The following KDM6B variants were observed in gnomAD, a reference collection of about 807,000 sequenced individuals.
KDM6B encodes the protein lysine demethylase 6B.
KDM6B carries 22 observed loss-of-function variants against 150.4 expected under a neutral mutation model. The observed-to-expected ratio is 0.15, with a 90% confidence interval of 0.10 to 0.21. KDM6B has a LOEUF of 0.21. KDM6B is among the 10% of genes least tolerant of loss of function. The probability of loss-of-function intolerance (pLI) is 1.00; values close to 1 mark genes in which losing one functional copy is unlikely to be tolerated. For synonymous variants in KDM6B, 1,148 were observed against 921.1 expected, an observed-to-expected ratio of 1.25 and a Z score of -4.46; for missense variants, 1,984 against 2,234.3, an observed-to-expected ratio of 0.89 and a Z score of 2.26.
Position 7,847,864 on chromosome 17 carries a change from T to C in KDM6B, c.1576T>C (p.Leu526=), listed in dbSNP as rs1248264188. 2 of 1,345,222 alleles carry C rather than the reference T, an allele frequency of 1.5e-6. No individual in the cohort carries two copies. The highest frequency in any genetic ancestry group is 1.6e-5 in the African/African-American group (1 of 63,092). The allele number at this position is 1,345,222 out of a possible 1,614,324, so 83.3% of individuals were successfully genotyped here. A position where few individuals can be genotyped will look rare whatever the true frequency, so the allele number is the denominator to read the frequency against. ...PPPLPHREGF[L]GPPASRFSVG... ...ACCCCTCCCCCATCGCGAGGGCTTC[T>C]TGGGGCCTCCGGCCTCCCGCTTTTC... Residue 526 remains leucine, a synonymous_variant, in exon 12 of 24, where the codon TTG becomes CTG. Transcript: ENST00000448097.
rs1336522597 is a variant in KDM6B, at chr17:7,850,128, T to C, written c.3624T>C (p.Pro1208=). ...SPVLLQFCTD[P]RNPITVIRGL... ...TCCTGCTGCAGTTCTGTACAGACCC[T>C]CGAAATCCCATCACAGTGATCCGGG... The change falls in exon 14 of 24, where the codon CCT becomes CCC. Residue 1208 remains proline, a synonymous_variant. Transcript: ENST00000448097. 1 of 1,613,844 alleles carries C rather than the reference T, an allele frequency of 6.2e-7. No individual in the cohort carries two copies. The highest frequency in any genetic ancestry group is 1.3e-5 in the African/African-American group (1 of 75,044).
rs775417411 is a variant in KDM6B, at chr17:7,851,939, C to T, written c.4166-12C>T. ...CCTGGCCAGCCATGCCGTTCTCTGT[C>T]GACCCCTGCAGGCCACCAGGAGAAT... is the stretch of plus-strand genomic sequence containing the variant. On this transcript the variant is annotated splice_polypyrimidine_tract_variant and intron_variant, in intron 18 of 23. Coordinates refer to ENST00000448097, the MANE Select transcript of KDM6B (RefSeq NM_001348716.2). 1.2e-6 allele frequency: 2 copies of T among 1,612,490 alleles called. No homozygotes were observed. The highest frequency in any genetic ancestry group is 1.1e-5 in the South Asian group (1 of 91,024).
At chr17:7,850,969 G>C (rs1216586893) in intron 14 of KDM6B, 52 bp from the exon 15 acceptor site, 3 of 1,493,426 alleles carry the variant, frequency 2.0e-6, no homozygotes, top group Middle Eastern at 1.8e-4. Flanking sequence ...TTGGGTCCTC[G>C]GTCCCTATCC....
chr17:7,852,779 A>C, intron 21 of KDM6B, 143 bp downstream of exon 21: 1 of 1,334,756 alleles, frequency 7.5e-7, no homozygotes, highest in Non-Finnish European at 1.1e-6. Flanking sequence ...GAGGCTAACT[A>C]GGTCCTTGCT....
In KDM6B at chr17:7,847,771, C is replaced by A; in HGVS notation, c.1483C>A (p.Arg495=). The A allele has an allele frequency of 6.4e-7, 1 of 1,553,444 alleles. No individual in the cohort carries two copies. The highest frequency in any genetic ancestry group is 1.4e-5 in the African/African-American group (1 of 73,134). Residue 495 remains arginine, a synonymous_variant, in exon 12 of 24, where the codon CGA becomes AGA. Transcript: ENST00000448097. ...WLKGPACRAA[R]EDGEILEELF... ...GAAGGGTCCGGCCTGCCGGGCAGCC[C>A]GAGAGGATGGAGAGATCTTAGAAGA...
chr17:7,840,101 C>G (rs749698926), intron 2 of KDM6B, 77 bp downstream of exon 2: 1 of 152,650 alleles, frequency 6.6e-6, no homozygotes, highest in Non-Finnish European at 1.5e-5. Context: ...TCGGTATGAT[C>G]TGGATCATGC....
In KDM6B at chr17:7,848,835, G is replaced by A. The variant is rs764031589; in HGVS notation, c.2547G>A (p.Pro849=). ...PGPPSGATAL[P]PTSAAPSAQG... ...CCCCATCAGGTGCTACCGCCCTGCC[G>A]CCCACCTCAGCGGCCCCTAGCGCCC... The change falls in exon 12 of 24, where the codon CCG becomes CCA. Residue 849 remains proline, a synonymous_variant. Coordinates refer to ENST00000448097, the MANE Select transcript of KDM6B (RefSeq NM_001348716.2). The A allele has an allele frequency of 2.3e-5, 37 of 1,611,832 alleles. No individual in the cohort carries two copies. Among genetic ancestry groups the A allele is most frequent in the East Asian group, 4.5e-5 (2 of 44,864 alleles).
At position 7,848,726 on chromosome 17, in the gene KDM6B, G is replaced by A. The variant is rs1276628632; in HGVS notation, c.2438G>A (p.Gly813Glu). 2.5e-6 allele frequency: 4 copies of A among 1,612,778 alleles called. No individual in the cohort carries two copies. The highest frequency in any genetic ancestry group is 2.7e-5 in the African/African-American group (2 of 74,856). ...LLKSLASVLE[G>E]QKYCYRGTGA... ...AAATCCTTGGCCTCCGTGCTGGAGG[G>A]ACAAAAGTACTGTTATCGGGGGACT... The change falls in exon 12 of 24, where the codon GGA becomes GAA. Residue 813 changes from glycine (G) to glutamate (E), a missense_variant. By Grantham distance (98) the Gly-to-Glu change is moderately conservative (BLOSUM62 -2). Around this residue, in one of 13 missense-constraint regions of KDM6B, gnomAD observed 1,379 missense variants for 1,275.6 expected, o/e 1.08. Coordinates refer to ENST00000448097, the MANE Select transcript of KDM6B (RefSeq NM_001348716.2).
chr17:7,837,687 T>G (rs1322939249), intron 1 of KDM6B, among the ~76,000 whole-genome samples: 2 of 152,176 alleles, frequency 1.3e-5, no homozygotes, highest in Non-Finnish European at 2.9e-5. Flanking sequence ...ACACCTACCT[T>G]GAAGGCCGCT....
rs760996844 is a variant in KDM6B, at chr17:7,846,050, C to G, written c.237-28C>G. The G allele has an allele frequency of 5.9e-6, 8 of 1,346,800 alleles. No individual in the cohort carries two copies. In the Admixed American group the frequency reaches 1.1e-4, roughly 19 times the overall value. 83.4% of individuals were successfully genotyped at this position (1,346,800 alleles called of 1,614,324 possible). A position where few individuals can be genotyped will look rare whatever the true frequency, so the allele number is the denominator to read the frequency against. ...GAGTCCCCTCAAGCCCAACCCCCAC[C>G]CACACCCCCACCCCTTCTGCTCTGT... On this transcript the variant is annotated intron_variant, in intron 6 of 23. Coordinates refer to ENST00000448097, the MANE Select transcript of KDM6B (RefSeq NM_001348716.2).
chr17:7,834,931 A>G (rs2078302567), intron 1 of KDM6B, among the ~76,000 whole-genome samples: 1 of 148,044 alleles, frequency 6.8e-6, no homozygotes, highest in East Asian at 2.0e-4. Context: ...CCTCATCCCT[A>G]GTCCTTCTCC....
rs753355988 is a variant in KDM6B, at chr17:7,846,802, A to G, written c.712-17A>G. The G allele has an allele frequency of 1.9e-6, 3 of 1,611,998 alleles. No homozygotes were observed. Among genetic ancestry groups the G allele is most frequent in the Non-Finnish European group, 2.5e-6 (3 of 1,179,486 alleles). On this transcript the variant is annotated splice_polypyrimidine_tract_variant and intron_variant, in intron 9 of 23. Transcript: ENST00000448097. ...CAGGACTTGGGAATGGGATTCTCACACTCTCTTCTCTCCTAGACTGGCCTT... is the reference window on the plus strand; with the variant it reads ...CAGGACTTGGGAATGGGATTCTCACGCTCTCTTCTCTCCTAGACTGGCCTT...
Position 7,849,138 on chromosome 17 carries a change from G to A in KDM6B, c.2850G>A (p.Glu950=). ...DTAEPADSGT[E]RLLPPAQAKE... is the part of the protein sequence containing the mutation. ...CAGAGCCAGCGGACAGTGGGACTGA[G>A]CGACTGCTGCCCCCCGCACAGGCCA... Residue 950 remains glutamate (E), a synonymous_variant, in exon 12 of 24, where the codon GAG becomes GAA. Coordinates refer to ENST00000448097, the MANE Select transcript of KDM6B (RefSeq NM_001348716.2). 6.2e-6 allele frequency: 10 copies of A among 1,612,192 alleles called. No homozygotes were observed. Among genetic ancestry groups the A allele is most frequent in the Non-Finnish European group, 8.5e-6 (10 of 1,179,762 alleles).
chr17:7,835,767 C>G (rs1470400116), intron 1 of KDM6B, among the ~76,000 whole-genome samples: 1 of 151,392 alleles, frequency 6.6e-6, no homozygotes, highest in Non-Finnish European at 1.5e-5. Flanking sequence ...CTGCGCCGCA[C>G]GCGCCCGAGC....
chr17:7,843,779 C>T lies in KDM6B; in HGVS notation c.-268-1122C>T, dbSNP rs968150608. Among the ~76,000 whole-genome samples the T allele has an allele frequency of 6.6e-6, 1 of 152,086 alleles. No individual in the cohort carries two copies. Among genetic ancestry groups the T allele is most frequent in the African/African-American group, 2.4e-5 (1 of 41,402 alleles). ...CCGATCCCGGGAGCCGAGTCGGCTC[C>T]CTACCTGCGGGGACGCCGGGTAGGC... On this transcript the variant is annotated intron_variant, in intron 2 of 23. Transcript: ENST00000448097. This position sits in a 1 kb window ranked among gnomAD's most constrained non-coding sequence, Gnocchi z 4.5.
rs1363897961 is a variant in KDM6B, at chr17:7,844,821, G to A, written c.-268-80G>A. Reference sequence around the variant, plus strand: ...TCACATCGGGGTCACCCCGGGCTGAGCTCGTCTGACCGGCTCCCGCGCCCC... The same window carrying A: ...TCACATCGGGGTCACCCCGGGCTGAACTCGTCTGACCGGCTCCCGCGCCCC... On this transcript the variant is annotated intron_variant, in intron 2 of 23. Coordinates refer to ENST00000448097, the MANE Select transcript of KDM6B (RefSeq NM_001348716.2). This position sits in a 1 kb window ranked among gnomAD's most constrained non-coding sequence, Gnocchi z 5.9. The A allele has an allele frequency of 6.4e-6, 1 of 157,174 alleles. No individual in the cohort carries two copies. The highest frequency in any genetic ancestry group is 2.4e-5 in the African/African-American group (1 of 41,424). The allele number at this position is 157,174 out of a possible 1,614,324, so 9.7% of individuals were successfully genotyped here. A position where few individuals can be genotyped will look rare whatever the true frequency, so the allele number is the denominator to read the frequency against.
At chr17:7,850,927 A>G in intron 14 of KDM6B, 94 bp from the exon 15 acceptor site, 1 of 1,144,152 alleles carries the variant, frequency 8.7e-7, no homozygotes, top group Non-Finnish European at 1.3e-6. Context: ...CCACCCTGTC[A>G]GAGCCAGAGG....
In KDM6B at chr17:7,849,170, A is replaced by G; in HGVS notation, c.2882A>G (p.Glu961Gly). The G allele has an allele frequency of 1.2e-6, 2 of 1,610,732 alleles. No individual in the cohort carries two copies. Among genetic ancestry groups the G allele is most frequent in the Non-Finnish European group, 1.7e-6 (2 of 1,179,096 alleles). ...RLLPPAQAKE[E>G]AGGVAAVSGS... ...CTGCCCCCCGCACAGGCCAAGGAGGAGGCTGGCGGGGTGGCGGCAGTGTCA... is the reference window on the plus strand; with the variant it reads ...CTGCCCCCCGCACAGGCCAAGGAGGGGGCTGGCGGGGTGGCGGCAGTGTCA... Residue 961 changes from glutamate (E) to glycine (G), a missense_variant, in exon 12 of 24, where the codon GAG becomes GGG. Physicochemically the swap from Glu to Gly is moderately conservative, Grantham distance 98 (BLOSUM62 -2). Coordinates refer to ENST00000448097, the MANE Select transcript of KDM6B (RefSeq NM_001348716.2).
At chr17:7,846,787 G>A (rs2151376152) in intron 9 of KDM6B, 32 bp from the exon 10 acceptor site, 3 of 1,613,756 alleles carry the variant, frequency 1.9e-6, no homozygotes, top group East Asian at 2.2e-5. Context: ...CAGGACTTGG[G>A]AATGGGATTC....
Sources: gnomAD v4.1 joint callset for allele counts (sites outside exome capture counted in the v4.1 genomes callset) on GRCh38, gnomAD v4.1.1 for gene constraint, gnomAD v4.1.1 regional missense constraint, Gnocchi (gnomAD v3.1) non-coding constraint, MANE v1.5 for transcripts, NCBI Gene and HGNC (gene_info 2026-07-23, HGNC 2026-07-21) for gene names.